Variants in KCNH1 observed in about 807,000 individuals in gnomAD.
The protein encoded by KCNH1 is potassium voltage-gated channel subfamily H member 1, also known as voltage-gated delayed rectifier potassium channel KCNH1.
KCNH1 carries 27 observed loss-of-function variants against 69.2 expected under a neutral mutation model. The observed-to-expected ratio is 0.39, with a 90% confidence interval of 0.29 to 0.54. KCNH1 has a LOEUF of 0.54. Ranked by LOEUF, KCNH1 falls within the 20% of genes least tolerant of loss-of-function variation. The pLI is 0.68. For synonymous variants in KCNH1, 456 were observed against 487.7 expected, an observed-to-expected ratio of 0.93 and a Z score of 0.86; for missense variants, 798 against 1,261.6, an observed-to-expected ratio of 0.63 and a Z score of 5.57.
chr1:210,802,678 A>C (rs1030176129), intron 8 of KCNH1, among the ~76,000 whole-genome samples: 8 of 152,216 alleles, frequency 5.3e-5, no homozygotes, highest in African/African-American at 1.9e-4. Context: ...TACAATTCTT[A>C]GAGAACAATA....
intron 6 of KCNH1, among the ~76,000 whole-genome samples, chr1:210,967,103 C>A (rs1188449435): frequency 6.6e-6 from 1 of 151,580 alleles, no homozygotes; most frequent in African/African-American, 2.4e-5. Context: ...TGTTCTCACT[C>A]ATAAGTGGGA....
At position 211,037,277 on chromosome 1, in the gene KCNH1, G is replaced by A. The variant is rs1045586335; in HGVS notation, c.559-18021C>T. On this transcript the variant is annotated intron_variant, in intron 5 of 10. Transcript: ENST00000271751. ...GTAGAAGCAAGGCCACCAGCTCCAAGCCTCTGAGCCTTTTCACTAATCCAT... is the reference window on the plus strand; with the variant it reads ...GTAGAAGCAAGGCCACCAGCTCCAAACCTCTGAGCCTTTTCACTAATCCAT... 2.0e-5 allele frequency among the ~76,000 whole-genome samples: 3 copies of A among 152,086 alleles called. No homozygotes were observed. In the East Asian group the frequency reaches 5.8e-4, roughly 29 times the overall value.
Position 210,863,073 on chromosome 1 carries a change from C to A in KCNH1, c.1462+56567G>T, listed in dbSNP as rs150878833. On this transcript the variant is annotated intron_variant, in intron 7 of 10. Transcript: ENST00000271751. ...TCAGGAAGAAAGCCGCATCACTTAT[C>A]CCCTATGGAAAAAAAGGAATGGCCA... Among the ~76,000 whole-genome samples, 882 of 152,236 alleles carry A rather than the reference C, an allele frequency of 5.8e-3. 13 individuals carry two copies. Among genetic ancestry groups the A allele is most frequent in the African/African-American group, 0.02 (820 of 41,546 alleles).
intron 7 of KCNH1, among the ~76,000 whole-genome samples, chr1:210,904,445 C>T (rs551660467): frequency 4.5e-4 from 69 of 151,732 alleles, no homozygotes; most frequent in African/African-American, 1.6e-3. Context: ...GTGGAAGGTG[C>T]GAAGAAATTC....
chr1:210,984,678 T>C (rs1410488806), intron 6 of KCNH1, among the ~76,000 whole-genome samples: 3 of 152,202 alleles, frequency 2.0e-5, no homozygotes, highest in Non-Finnish European at 4.4e-5. Flanking sequence ...CTGCTGGATT[T>C]GGTTTGCCAG....
chr1:211,123,328 T>C (rs1571665661), intron 1 of KCNH1, among the ~76,000 whole-genome samples: 4 of 151,948 alleles, frequency 2.6e-5, no homozygotes. Flanking sequence ...ATCTGTAGAG[T>C]TGAGCAGGTA....
chr1:210,996,833 TGCTGTTCTATAGCCACC>T (rs1267693793), intron 6 of KCNH1, among the ~76,000 whole-genome samples: 1 of 152,078 alleles, frequency 6.6e-6, no homozygotes, highest in Non-Finnish European at 1.5e-5. Flanking sequence ...CACCAATATC[TGCTGTTCTATAGCCACC>T]GCTGTTCTAC....
chr1:210,885,607 C>T lies in KCNH1; in HGVS notation c.1462+34033G>A, dbSNP rs570047788. 1.6e-4 allele frequency among the ~76,000 whole-genome samples: 24 copies of T among 152,216 alleles called. 1 individual carries two copies. The South Asian group carries it at 4.8e-3, about 30-fold the overall frequency. On this transcript the variant is annotated intron_variant, in intron 7 of 10. Transcript: ENST00000271751. ...GCCAAGTGGTCTAGTTCAGTGGATCCCACCTCAATGGACCCCAGCAAGCTA... is the reference window on the plus strand; with the variant it reads ...GCCAAGTGGTCTAGTTCAGTGGATCTCACCTCAATGGACCCCAGCAAGCTA...
chr1:210,943,499 C>T (rs1574352250), intron 6 of KCNH1, among the ~76,000 whole-genome samples: 1 of 152,086 alleles, frequency 6.6e-6, no homozygotes, highest in East Asian at 1.9e-4. Context: ...CCGGCGCACA[C>T]CGCCACGCCC....
At chr1:211,075,227 A>G (rs1166029101) in intron 5 of KCNH1, among the ~76,000 whole-genome samples, 1 of 152,244 alleles carries the variant, frequency 6.6e-6, no homozygotes, top group Non-Finnish European at 1.5e-5. Context: ...ATGACAAAAA[A>G]TGATGCTACC....
At chr1:211,070,940 A>G (rs1157182627) in intron 5 of KCNH1, among the ~76,000 whole-genome samples, 1 of 152,178 alleles carries the variant, frequency 6.6e-6, no homozygotes, top group Non-Finnish European at 1.5e-5. Context: ...CACACAGTCA[A>G]ATCTACATAT....
chr1:210,777,401 G>A (rs761916874), intron 9 of KCNH1, among the ~76,000 whole-genome samples: 12 of 152,150 alleles, frequency 7.9e-5, no homozygotes, highest in Admixed American at 3.3e-4. Flanking sequence ...CATGCTTGGG[G>A]TAGCTTCCAG....
chr1:210,700,929 T>TTTTATTTA (rs201926081), intron 10 of KCNH1, among the ~76,000 whole-genome samples: 31 of 152,002 alleles, frequency 2.0e-4, no homozygotes, highest in African/African-American at 5.3e-4. Flanking sequence ...TTTAGTTTCT[T>TTTTATTTA]TTTATTTATT....
chr1:210,958,577 G>C (rs1043860220), intron 6 of KCNH1, among the ~76,000 whole-genome samples: 4 of 152,118 alleles, frequency 2.6e-5, no homozygotes, highest in South Asian at 4.1e-4. Flanking sequence ...TTTTCACATA[G>C]TCCCAAATTT....
At chr1:210,983,659 G>A (rs1034410945) in intron 6 of KCNH1, among the ~76,000 whole-genome samples, 2 of 152,164 alleles carry the variant, frequency 1.3e-5, no homozygotes, top group Non-Finnish European at 2.9e-5. Context: ...GTACCATGCT[G>A]TTTTGGTTAC....
chr1:210,726,572 A>C (rs1682596556), intron 10 of KCNH1, among the ~76,000 whole-genome samples: 3 of 152,290 alleles, frequency 2.0e-5, no homozygotes, highest in African/African-American at 7.2e-5. Context: ...CCCAGAGACA[A>C]ATTTTCTGTG....
intron 6 of KCNH1, among the ~76,000 whole-genome samples, chr1:210,968,137 G>A (rs865906883): frequency 6.7e-6 from 1 of 148,646 alleles, no homozygotes; most frequent in Non-Finnish European, 1.5e-5. Flanking sequence ...TTGTTCTTGC[G>A]ATAGTTTACT....
intron 10 of KCNH1, 144 bp from the exon 11 acceptor site, chr1:210,684,282 T>A: frequency 1.3e-6 from 1 of 744,926 alleles, no homozygotes; most frequent in Non-Finnish European, 1.9e-6. Context: ...CTACAAGGCC[T>A]CATGAGGCTT....
At chr1:211,009,434 A>C (rs1689352495) in intron 6 of KCNH1, among the ~76,000 whole-genome samples, 1 of 152,124 alleles carries the variant, frequency 6.6e-6, no homozygotes, top group African/African-American at 2.4e-5. Context: ...TTTATAAAGA[A>C]GGGAAATATT....
Sources: gnomAD v4.1 joint callset for allele counts (sites outside exome capture counted in the v4.1 genomes callset) on GRCh38, gnomAD v4.1.1 for gene constraint, MANE v1.5 for transcripts, NCBI Gene and HGNC (gene_info 2026-07-23, HGNC 2026-07-21) for gene names.